Variants in PPP2R2C observed in about 807,000 individuals in gnomAD.
PPP2R2C encodes the protein protein phosphatase 2, regulatory subunit B, gamma.
In PPP2R2C, 10 loss-of-function variants were observed where a neutral mutation model predicts 45.3. That is an observed-to-expected ratio of 0.22 (90% confidence interval 0.14 to 0.37). The LOEUF (loss-of-function observed/expected upper bound fraction) is 0.37. Among genes scored for constraint, PPP2R2C ranks in the 10% least tolerant of loss-of-function variants. The pLI is 1.00. For synonymous variants in PPP2R2C, 257 were observed against 245.4 expected, an observed-to-expected ratio of 1.05 and a Z score of -0.44; for missense variants, 308 against 619.7, an observed-to-expected ratio of 0.50 and a Z score of 5.34.
At chr4:6,457,991 C>T (rs1721132007) in intron 1 of PPP2R2C, among the ~76,000 whole-genome samples, 1 of 152,198 alleles carries the variant, frequency 6.6e-6, no homozygotes, top group African/African-American at 2.4e-5. Context: ...TGCTTTGGGG[C>T]ACAACTCCTT....
Position 6,381,740 on chromosome 4 carries a change from C to G in PPP2R2C, c.71-646G>C, listed in dbSNP as rs778876577. ...TCATCCCAACCATGTTTCTTCAGGT[C>G]ACTCAGGAACCTCTCCTTATGGAGT... On this transcript the variant is annotated intron_variant, in intron 1 of 8. Transcript: ENST00000382599. The G allele has an allele frequency of 1.8e-5, 28 of 1,588,954 alleles. No individual in the cohort carries two copies. The South Asian group carries it at 2.9e-4, about 16-fold the overall frequency.
At chr4:6,387,483 C>A (rs1020348704) in intron 1 of PPP2R2C, among the ~76,000 whole-genome samples, 7 of 152,134 alleles carry the variant, frequency 4.6e-5, no homozygotes, top group Non-Finnish European at 8.8e-5. Context: ...ACCTGGAAAC[C>A]CAGAATTCTG....
chr4:6,397,266 C>G (rs1717100863), intron 1 of PPP2R2C, among the ~76,000 whole-genome samples: 1 of 152,236 alleles, frequency 6.6e-6, no homozygotes, highest in African/African-American at 2.4e-5. Flanking sequence ...AGGGAGCTGG[C>G]TCCGATGACA....
intron 2 of PPP2R2C, among the ~76,000 whole-genome samples, chr4:6,508,746 G>T (rs1191840200): frequency 6.6e-6 from 1 of 152,156 alleles, no homozygotes. Context: ...AAACTCCACT[G>T]GTAAGGGAAA....
At chr4:6,347,694 C>T (rs1021568068) in intron 6 of PPP2R2C, 152 bp downstream of exon 6, 7 of 1,027,914 alleles carry the variant, frequency 6.8e-6, no homozygotes, top group South Asian at 1.7e-5. Context: ...GACCAGCCAG[C>T]GCTGAAGCAG....
At chr4:6,382,647 T>C (rs1577131577) in intron 1 of PPP2R2C, 1 of 263,704 alleles carries the variant, frequency 3.8e-6, no homozygotes, top group African/African-American at 4.4e-5. Flanking sequence ...TCTCTCTCTC[T>C]CTCTCTCTCT....
intron 1 of PPP2R2C, among the ~76,000 whole-genome samples, chr4:6,417,861 G>A (rs1191871199): frequency 2.0e-5 from 3 of 152,218 alleles, no homozygotes; most frequent in Non-Finnish European, 4.4e-5. Flanking sequence ...AGAAGTCGCC[G>A]AGCCTCAAAA....
chr4:6,458,164 T>C (rs1050617345), intron 1 of PPP2R2C, among the ~76,000 whole-genome samples: 17 of 152,238 alleles, frequency 1.1e-4, no homozygotes, highest in Admixed American at 3.9e-4. Context: ...TTCACATCTC[T>C]GCTGAGCATC....
In PPP2R2C at chr4:6,324,565, C is replaced by T. The variant is rs183046656; in HGVS notation, c.1053-972G>A. On this transcript the variant is annotated intron_variant, in intron 8 of 8. Coordinates refer to ENST00000382599, the MANE Select transcript of PPP2R2C (RefSeq NM_020416.4). This position sits in a 1 kb window ranked among gnomAD's most constrained non-coding sequence, Gnocchi z 4.1. ...CATGGAAGCAGCTGGGACAGAAAAC[C>T]ACCAGGCCCTGCTTCCCTCCAGGGG... Among the ~76,000 whole-genome samples the T allele has an allele frequency of 1.3e-3, 199 of 152,310 alleles. No individual in the cohort carries two copies. Among genetic ancestry groups the T allele is most frequent in the African/African-American group, 4.7e-3 (195 of 41,572 alleles).
chr4:6,337,484 G>A (rs1476867037), intron 6 of PPP2R2C, among the ~76,000 whole-genome samples: 3 of 152,030 alleles, frequency 2.0e-5, no homozygotes, highest in Non-Finnish European at 4.4e-5. Context: ...GAGGTGAGGC[G>A]GAGGTGAGTC....
intron 2 of PPP2R2C, among the ~76,000 whole-genome samples, chr4:6,516,629 G>A (rs1294610884): frequency 1.3e-5 from 2 of 152,328 alleles, no homozygotes; most frequent in East Asian, 3.9e-4. Context: ...TAAAATTCTG[G>A]AGGAATTAGA....
intron 1 of PPP2R2C, among the ~76,000 whole-genome samples, chr4:6,388,143 CCT>C (rs1716361595): frequency 6.6e-6 from 1 of 152,206 alleles, no homozygotes. Context: ...TCCTTCCCCC[CCT>C]GAGGTGCCTC....
At chr4:6,335,892 C>T (rs571857543) in intron 6 of PPP2R2C, among the ~76,000 whole-genome samples, 1 of 152,242 alleles carries the variant, frequency 6.6e-6, no homozygotes, top group African/African-American at 2.4e-5. Context: ...AAACACCTGT[C>T]TCTGAAGCAG....
rs560156656 is a variant in PPP2R2C at position 6,491,203 on chromosome 4, GGTGAATTT to G, written c.49+44060_49+44067del. Among the ~76,000 whole-genome samples, 26 of 152,308 alleles carry G rather than the reference GGTGAATTT, an allele frequency of 1.7e-4. No individual in the cohort carries two copies. The South Asian group carries it at 5.2e-3, about 30-fold the overall frequency. On this transcript the variant is annotated intron_variant, in intron 2 of 9. Coordinates refer to the PPP2R2C transcript ENST00000506140. Reference sequence around the variant, plus strand: ...TGTGTGGCAGGAATTTGTATTGTTGGGTGAATTTGTGGATGAATGGATGATCAAGGAGG... The same window carrying G: ...TGTGTGGCAGGAATTTGTATTGTTGGGTGGATGAATGGATGATCAAGGAGG...
intron 1 of PPP2R2C, among the ~76,000 whole-genome samples, chr4:6,414,509 C>A (rs897852752): frequency 6.6e-6 from 1 of 152,102 alleles, no homozygotes; most frequent in Non-Finnish European, 1.5e-5. Flanking sequence ...AGGATGGCTA[C>A]AGGCACCAAC....
rs1723469020 is a variant in PPP2R2C, at chr4:6,511,424, T to C, written c.49+23847A>G. Among the ~76,000 whole-genome samples, 3 of 128,002 alleles carry C rather than the reference T, an allele frequency of 2.3e-5. No individual in the cohort carries two copies. The South Asian group carries it at 6.8e-4, about 29-fold the overall frequency. The allele number at this position is 128,002 out of a possible 152,430, so 84.0% of individuals were successfully genotyped here. A position where few individuals can be genotyped will look rare whatever the true frequency, so the allele number is the denominator to read the frequency against. Reference sequence around the variant, plus strand: ...GTGATGGTGGTGGTGACAGTGATGGTGGTGATGGTGGTGGTGACGGTGGTG... The same window carrying C: ...GTGATGGTGGTGGTGACAGTGATGGCGGTGATGGTGGTGGTGACGGTGGTG... On this transcript the variant is annotated intron_variant, in intron 2 of 9. Transcript: ENST00000506140.
At chr4:6,340,697 C>T (rs1733379010) in intron 6 of PPP2R2C, among the ~76,000 whole-genome samples, 1 of 152,270 alleles carries the variant, frequency 6.6e-6, no homozygotes. Flanking sequence ...CTACCTCACC[C>T]CTCAGCTTAT....
chr4:6,347,102 C>T (rs1712035928), intron 6 of PPP2R2C, among the ~76,000 whole-genome samples: 1 of 152,200 alleles, frequency 6.6e-6, no homozygotes, highest in Non-Finnish European at 1.5e-5. Context: ...CAGTGCCAGG[C>T]AGCCCAGCTC....
intron 7 of PPP2R2C, among the ~76,000 whole-genome samples, chr4:6,333,199 C>T (rs776523533): frequency 6.6e-6 from 1 of 152,170 alleles, no homozygotes; most frequent in Non-Finnish European, 1.5e-5. Flanking sequence ...TTTAATGGTA[C>T]AGCTCCGATG....
Sources: allele counts gnomAD v4.1 joint callset (sites outside exome capture counted in the v4.1 genomes callset), GRCh38; gene constraint gnomAD v4.1.1; non-coding constraint Gnocchi (gnomAD v3.1); transcripts MANE v1.5; gene names NCBI Gene and HGNC (gene_info 2026-07-23, HGNC 2026-07-21).